The following MTCL2 variants were observed in gnomAD, a reference collection of about 807,000 sequenced individuals.
MTCL2 encodes microtubule cross-linking factor 2.
chr20:36,841,874 G>GGGGTGTGT, the MTCL2 span, among the ~76,000 whole-genome samples: 793 of 110,838 alleles, frequency 7.2e-3, 12 homozygotes, highest in African/African-American at 0.02. Context: ...TGGGGGGTGG[G>GGGGTGTGT]GTGTGTGTGT....
chr20:36,841,532 A>G, the MTCL2 span, among the ~76,000 whole-genome samples: 2 of 152,104 alleles, frequency 1.3e-5, no homozygotes, highest in African/African-American at 4.8e-5. Context: ...TATTCCAGGC[A>G]GAGGGAACAG....
the MTCL2 span, among the ~76,000 whole-genome samples, chr20:36,848,776 C>T: frequency 1.3e-5 from 2 of 152,184 alleles, no homozygotes; most frequent in African/African-American, 4.8e-5. Context: ...TTCCTTTTCA[C>T]TGACCTCTAA....
At chr20:36,796,819 T>C in the MTCL2 span, 1 of 1,531,166 alleles carries the variant, frequency 6.5e-7, no homozygotes, top group Non-Finnish European at 9.0e-7. Context: ...CAGCAGGAGG[T>C]GGAGAGGGGC....
At chr20:36,847,057 G>A in the MTCL2 span, among the ~76,000 whole-genome samples, 2 of 152,142 alleles carry the variant, frequency 1.3e-5, no homozygotes, top group Non-Finnish European at 2.9e-5. Flanking sequence ...TAATTACCAG[G>A]CCCCCGCACA....
chr20:36,831,588 A>C, the MTCL2 span, among the ~76,000 whole-genome samples: 1 of 152,130 alleles, frequency 6.6e-6, no homozygotes, highest in Non-Finnish European at 1.5e-5. Context: ...AGGCCAGGAA[A>C]AACAACGACC....
chr20:36,823,334 G>C, the MTCL2 span, among the ~76,000 whole-genome samples: 1 of 152,188 alleles, frequency 6.6e-6, no homozygotes, highest in Non-Finnish European at 1.5e-5. Flanking sequence ...CTCCTTGCCA[G>C]AGGAAGCAGA....
the MTCL2 span, among the ~76,000 whole-genome samples, chr20:36,846,003 A>G: frequency 6.6e-6 from 1 of 152,088 alleles, no homozygotes. Flanking sequence ...CCTCGTGGCT[A>G]TGGAACAAAG....
At chr20:36,785,432 T>C in the MTCL2 span, 1 of 985,242 alleles carries the variant, frequency 1.0e-6, no homozygotes, top group Non-Finnish European at 1.2e-6. Context: ...ATAAACAATC[T>C]AGGCAAGATA....
At chr20:36,825,002 G>C in the MTCL2 span, among the ~76,000 whole-genome samples, 1 of 148,564 alleles carries the variant, frequency 6.7e-6, no homozygotes. Context: ...TGCAATGATG[G>C]GATGTCGGCT....
chr20:36,826,694 T>C, the MTCL2 span, among the ~76,000 whole-genome samples: 21 of 151,828 alleles, frequency 1.4e-4, no homozygotes, highest in Non-Finnish European at 2.6e-4. Flanking sequence ...CTTCTTAAGG[T>C]TGAATAGTTT....
chr20:36,860,737 A>C, the MTCL2 span, among the ~76,000 whole-genome samples: 1 of 152,240 alleles, frequency 6.6e-6, no homozygotes, highest in Non-Finnish European at 1.5e-5. Context: ...ACAAATGAGA[A>C]AGCAAAGGTC....
the MTCL2 span, chr20:36,785,276 T>A: frequency 1.0e-6 from 1 of 985,436 alleles, no homozygotes. Flanking sequence ...ACCCCATGCC[T>A]GCCCGTGCTG....
the MTCL2 span, among the ~76,000 whole-genome samples, chr20:36,835,318 C>G: frequency 6.6e-6 from 1 of 151,986 alleles, no homozygotes; most frequent in South Asian, 2.1e-4. Flanking sequence ...TGGGGGGGGG[C>G]ACTGAGGCCT....
the MTCL2 span, among the ~76,000 whole-genome samples, chr20:36,814,422 C>A: frequency 6.6e-6 from 1 of 152,174 alleles, no homozygotes; most frequent in Non-Finnish European, 1.5e-5. Flanking sequence ...TAGATCCACT[C>A]TACTAGACAC....
At chr20:36,815,118 C>A in the MTCL2 span, 2 of 1,573,844 alleles carry the variant, frequency 1.3e-6, no homozygotes, top group East Asian at 2.2e-5. This position sits in a 1 kb window ranked among gnomAD's most constrained non-coding sequence, Gnocchi z 5.3. Context: ...GTGCATGAGG[C>A]ACCTTACCTG....
the MTCL2 span, chr20:36,786,493 T>G: frequency 1.3e-6 from 2 of 1,541,878 alleles, no homozygotes; most frequent in Non-Finnish European, 1.7e-6. Context: ...TGTCACTCGC[T>G]GGGGGGGAGT....
the MTCL2 span, among the ~76,000 whole-genome samples, chr20:36,827,022 C>CTATA: frequency 6.9e-6 from 1 of 144,216 alleles, no homozygotes; most frequent in Non-Finnish European, 1.5e-5. Context: ...TATCATCCTG[C>CTATA]TTTATTTATT....
At chr20:36,830,388 A>T in the MTCL2 span, among the ~76,000 whole-genome samples, 1 of 152,134 alleles carries the variant, frequency 6.6e-6, no homozygotes, top group Non-Finnish European at 1.5e-5. Context: ...GAACATAGCA[A>T]GACCCCACCT....
At chr20:36,802,849 G>A in the MTCL2 span, 1 of 1,570,904 alleles carries the variant, frequency 6.4e-7, no homozygotes, top group African/African-American at 1.3e-5. Context: ...GCAGGGGTGG[G>A]CCTCACCTGG....
Sources: gnomAD v4.1 joint callset for allele counts (sites outside exome capture counted in the v4.1 genomes callset) on GRCh38, gnomAD v4.1.1 for gene constraint, Gnocchi (gnomAD v3.1) non-coding constraint, MANE v1.5 for transcripts, NCBI Gene and HGNC (gene_info 2026-07-23, HGNC 2026-07-21) for gene names.